Variants in IKZF4 observed in about 807,000 individuals in gnomAD.
The protein encoded by IKZF4 is zinc finger protein Eos.
A neutral mutation model predicts 47.7 loss-of-function variants in IKZF4; 11 were observed. The ratio of observed to expected loss-of-function variants is 0.23; its 90% CI spans 0.15 to 0.38. The LOEUF is 0.38. IKZF4 is among the 10% of genes least tolerant of loss of function. The pLI is 1.00. For missense variants in IKZF4, 557 were observed against 784.9 expected (o/e 0.71, Z 3.47); for synonymous variants, 298 against 299.4 (o/e 1.00, Z 0.05).
At chr12:56,022,329 T>A (rs1893159016) in intron 1 of IKZF4, among the ~76,000 whole-genome samples, 1 of 152,190 alleles carries the variant, frequency 6.6e-6, no homozygotes, top group Admixed American at 6.5e-5. Flanking sequence ...TCCCAGTTCC[T>A]CTAATGTGAA....
Position 56,036,423 on chromosome 12 carries a change from G to T in IKZF4, c.*1092G>T, listed in dbSNP as rs996955887. ...GTGGGTTGCTGCCTGATGACAAGGGGTTGTTTCAGCCCCTCAGTCATGCTG... is the reference window on the plus strand; with the variant it reads ...GTGGGTTGCTGCCTGATGACAAGGGTTTGTTTCAGCCCCTCAGTCATGCTG... On this transcript the variant is annotated 3_prime_UTR_variant, in exon 8 of 8. Transcript: ENST00000547167. 2.0e-5 allele frequency: 3 copies of T among 152,234 alleles called. No homozygotes were observed. The highest frequency in any genetic ancestry group is 7.2e-5 in the African/African-American group (3 of 41,430). The allele number at this position is 152,234 out of a possible 1,614,324, so 9.4% of individuals were successfully genotyped here.
chr12:56,020,762 G>T (rs1039987187), upstream of IKZF4: 9 of 178,424 alleles, frequency 5.0e-5, no homozygotes, highest in Non-Finnish European at 9.8e-5. Flanking sequence ...AGCAACACTA[G>T]CCTGACACCA....
At chr12:56,034,191 G>A (rs759630613) in intron 7 of IKZF4, among the ~76,000 whole-genome samples, 1 of 152,118 alleles carries the variant, frequency 6.6e-6, no homozygotes, top group Non-Finnish European at 1.5e-5. Flanking sequence ...GTGAGCCACC[G>A]CGCCCGGCCC....
At chr12:56,024,247 G>A (rs1050434403) in intron 2 of IKZF4, among the ~76,000 whole-genome samples, 1 of 152,118 alleles carries the variant, frequency 6.6e-6, no homozygotes, top group Non-Finnish European at 1.5e-5. Flanking sequence ...TAGTAAACAC[G>A]TGATTGGAAT....
rs1248513246 is a variant in IKZF4 at position 56,032,530 on chromosome 12, T to C, written c.716-31T>C. The C allele has an allele frequency of 7.5e-6, 12 of 1,590,446 alleles. No individual in the cohort carries two copies. The Admixed American group carries it at 2.0e-4, about 26-fold the overall frequency. ...GAGCCAGGGCACAGCGAGAAATAGC[T>C]CTGATGCCATCTTTCCACTCTCCTC... On this transcript the variant is annotated intron_variant, in intron 5 of 7. Transcript: ENST00000547167.
chr12:56,021,008 G>A (rs185735975), upstream of IKZF4: 21 of 569,080 alleles, frequency 3.7e-5, no homozygotes, highest in East Asian at 1.6e-4. Context: ...CCTCCCACCC[G>A]CAGGCCCATC....
At chr12:56,017,982 T>C, upstream of IKZF4, 1 of 426,722 alleles carries the variant, frequency 2.3e-6, no homozygotes, top group Non-Finnish European at 4.2e-6. Context: ...CCACAGTGCC[T>C]GGCTAAGGTT....
rs1895450276 is a variant in IKZF4, at chr12:56,034,677, C to T, written c.1104C>T (p.Gly368=). 1 of 1,614,052 alleles carries T rather than the reference C, an allele frequency of 6.2e-7. No individual in the cohort carries two copies. Among genetic ancestry groups the T allele is most frequent in the Non-Finnish European group, 8.5e-7 (1 of 1,179,896 alleles). Residue 368 remains glycine (G), a synonymous_variant, in exon 8 of 8, where the codon GGC becomes GGT. Transcript: ENST00000547167. ...ELVAHHSLEP[G]FGSSLAFVGA... ...TGGCACACCACAGCCTAGAGCCTGG[C>T]TTTGGAAGTTCCCTGGCCTTTGTGG...
chr12:56,019,621 G>C (rs1331666058), upstream of IKZF4, among the ~76,000 whole-genome samples: 2 of 152,200 alleles, frequency 1.3e-5, no homozygotes, highest in African/African-American at 4.8e-5. Flanking sequence ...AGCCTATTCA[G>C]AAAACCACTA....
intron 3 of IKZF4, 144 bp downstream of exon 3, chr12:56,025,302 G>C: frequency 1.1e-6 from 1 of 927,954 alleles, no homozygotes. Flanking sequence ...GAGGAGCCCA[G>C]TGTCTAGGGT....
Position 56,035,166 on chromosome 12 carries a change from G to A in IKZF4, c.1593G>A (p.Lys531=). The A allele has an allele frequency of 1.2e-6, 2 of 1,614,232 alleles. No individual in the cohort carries two copies. The highest frequency in any genetic ancestry group is 2.2e-5 in the East Asian group (1 of 44,892). Residue 531 remains lysine, a synonymous_variant, in exon 8 of 8, where the codon AAG becomes AAA. Transcript: ENST00000547167. The surrounding 1 kb of genome is among the most constrained non-coding windows in gnomAD (Gnocchi z 6.1). ...GESGEPVKAF[K]CEHCRILFLD... is the part of the protein sequence containing the mutation. ...GTGGTGAGCCTGTGAAGGCCTTCAA[G>A]TGTGAGCACTGCCGTATCCTCTTCC...
intron 4 of IKZF4, among the ~76,000 whole-genome samples, chr12:56,027,361 T>C (rs1030152381): frequency 6.6e-6 from 1 of 151,744 alleles, no homozygotes. Flanking sequence ...AATGGTCCAA[T>C]AGGGGTAAGA....
At chr12:56,023,577 G>C (rs935563377) in intron 1 of IKZF4, 94 bp from the exon 2 acceptor site, 1 of 1,407,392 alleles carries the variant, frequency 7.1e-7, no homozygotes, top group African/African-American at 1.5e-5. Context: ...AGGCTTTGAC[G>C]GGATAGAATG....
At chr12:56,029,366 G>A (rs893366106) in intron 5 of IKZF4, among the ~76,000 whole-genome samples, 76 of 152,328 alleles carry the variant, frequency 5.0e-4, no homozygotes, top group African/African-American at 1.8e-3. Context: ...CTTTTGGCTT[G>A]GACTTGGGAA....
intron 5 of IKZF4, among the ~76,000 whole-genome samples, chr12:56,028,663 G>T (rs1214583876): frequency 6.6e-6 from 1 of 151,398 alleles, no homozygotes; most frequent in Non-Finnish European, 1.5e-5. Context: ...GCTCCCTGCA[G>T]TCTTGATCTC....
At chr12:56,009,755 G>A (rs920312758) in intron 1 of IKZF4, among the ~76,000 whole-genome samples, 1 of 152,166 alleles carries the variant, frequency 6.6e-6, no homozygotes, top group Non-Finnish European at 1.5e-5. Context: ...TGCCCACTGA[G>A]TGCAGTTAGT....
At chr12:56,014,155 C>CAAA (rs1303427048) in intron 2 of IKZF4, among the ~76,000 whole-genome samples, 1 of 80,940 alleles carries the variant, frequency 1.2e-5, no homozygotes, top group African/African-American at 3.8e-5. Context: ...GACTCCGTCT[C>CAAA]AAAAAAAAAA....
At chr12:56,015,615 C>G (rs1021377006) in intron 2 of IKZF4, among the ~76,000 whole-genome samples, 6 of 152,136 alleles carry the variant, frequency 3.9e-5, no homozygotes, top group African/African-American at 1.4e-4. Context: ...AGGCTGGTCT[C>G]GAACTCCTGA....
In IKZF4 at chr12:56,035,567, A is replaced by T; in HGVS notation, c.*236A>T. On this transcript the variant is annotated 3_prime_UTR_variant, in exon 8 of 8. Transcript: ENST00000547167. The surrounding 1 kb of genome is among the most constrained non-coding windows in gnomAD (Gnocchi z 6.1). ...TTTCCTTTTTATCTTCTCTCATCCC[A>T]GCATACTGAGTTATTTATTAATTAG... 1 of 441,836 alleles carries T rather than the reference A, an allele frequency of 2.3e-6. No homozygotes were observed. The highest frequency in any genetic ancestry group is 4.0e-6 in the Non-Finnish European group (1 of 250,770). 27.4% of individuals were successfully genotyped at this position (441,836 alleles called of 1,614,324 possible).
Sources: gnomAD v4.1 joint callset for allele counts (sites outside exome capture counted in the v4.1 genomes callset) on GRCh38, gnomAD v4.1.1 for gene constraint, Gnocchi (gnomAD v3.1) non-coding constraint, MANE v1.5 for transcripts, NCBI Gene and HGNC (gene_info 2026-07-23, HGNC 2026-07-21) for gene names.